UBAC2: variants seen among roughly 807,000 people sequenced by gnomAD.
UBAC2 encodes ubiquitin-associated domain-containing protein 2.
A neutral mutation model predicts 44.0 loss-of-function variants in UBAC2; 26 were observed. The observed-to-expected ratio is 0.59, with a 90% CI of 0.43 to 0.82. The LOEUF is 0.82. Among genes scored for constraint, UBAC2 ranks in the 40% least tolerant of loss-of-function variants. The probability of loss-of-function intolerance (pLI) is 0.00; values close to 1 mark genes in which losing one functional copy is unlikely to be tolerated. For synonymous variants in UBAC2, 155 were observed against 154.3 expected (o/e 1.00, Z -0.04); for missense variants, 329 against 419.4 (o/e 0.78, Z 1.88).
chr13:99,218,843 C>T (rs1041942676), intron 1 of UBAC2, among the ~76,000 whole-genome samples: 1 of 152,170 alleles, frequency 6.6e-6, no homozygotes, highest in Non-Finnish European at 1.5e-5. Context: ...TCCTCCTTAA[C>T]GTGGTCACCG....
intron 7 of UBAC2, among the ~76,000 whole-genome samples, chr13:99,349,662 G>A (rs974868033): frequency 1.3e-5 from 2 of 152,212 alleles, no homozygotes; most frequent in Non-Finnish European, 2.9e-5. Context: ...ATACGTCAGC[G>A]TTTTCTTCTA....
At chr13:99,321,698 T>C (rs948622373) in intron 6 of UBAC2, among the ~76,000 whole-genome samples, 1 of 152,250 alleles carries the variant, frequency 6.6e-6, no homozygotes. Context: ...CTGATTAAAA[T>C]AGAAGGTTGA....
At chr13:99,244,039 G>A (rs892128736) in intron 3 of UBAC2, 88 bp downstream of exon 3, 4 of 1,062,482 alleles carry the variant, frequency 3.8e-6, no homozygotes, top group Non-Finnish European at 5.2e-6. Context: ...ACTTGGTGTT[G>A]TTATTTACAG....
intron 7 of UBAC2, among the ~76,000 whole-genome samples, chr13:99,364,976 A>C (rs1196617747): frequency 6.6e-6 from 1 of 152,184 alleles, no homozygotes; most frequent in Non-Finnish European, 1.5e-5. Flanking sequence ...GGAATTGCTG[A>C]GTCTCACATA....
intron 4 of UBAC2, chr13:99,258,344 G>A (rs993264083): frequency 2.6e-5 from 4 of 152,330 alleles, no homozygotes; most frequent in African/African-American, 9.6e-5. Context: ...GCTTGGCGTC[G>A]GAGTTGGTGC....
chr13:99,215,761 C>G, intron 1 of UBAC2: 1 of 1,225,728 alleles, frequency 8.2e-7, no homozygotes, highest in Non-Finnish European at 1.1e-6. Flanking sequence ...TCAGCCATTT[C>G]GAGTTCTGCT....
chr13:99,374,039 C>G (rs2045446050), intron 8 of UBAC2, among the ~76,000 whole-genome samples: 1 of 152,196 alleles, frequency 6.6e-6, no homozygotes, highest in South Asian at 2.1e-4. Flanking sequence ...GACAGAATTA[C>G]AGCAAATTTA....
At chr13:99,364,777 T>A (rs2045309673) in intron 7 of UBAC2, among the ~76,000 whole-genome samples, 1 of 152,232 alleles carries the variant, frequency 6.6e-6, no homozygotes, top group Non-Finnish European at 1.5e-5. Context: ...TTGTTGCATG[T>A]CATTCTGGTT....
rs1490535711 is a variant in UBAC2, at chr13:99,338,039, CTTTTTTTCTTTTTTTTTTTTTTTT to C, written c.562-2273_562-2250del. ...GCAAAAAAATCTCCTAACTTTTTTT[CTTTTTTTCTTTTTTTTTTTTTTTT>C]TTTTTTTTTTTTGAGACAGAGTCTC... On this transcript the variant is annotated intron_variant, in intron 6 of 8. Coordinates refer to ENST00000403766, the MANE Select transcript of UBAC2 (RefSeq NM_001144072.2). Among the ~76,000 whole-genome samples the C allele has an allele frequency of 3.4e-3, 308 of 91,570 alleles. 3 individuals are homozygous for C. The highest frequency in any genetic ancestry group is 0.019 in the Middle Eastern group (2 of 108). 60.1% of individuals were successfully genotyped at this position (91,570 alleles called of 152,430 possible).
At chr13:99,378,260 C>T (rs2045507384) in intron 8 of UBAC2, among the ~76,000 whole-genome samples, 2 of 152,234 alleles carry the variant, frequency 1.3e-5, no homozygotes. Context: ...GGCTCAGTGG[C>T]TCATGCCTGT....
At chr13:99,227,260 A>G (rs1157512607) in intron 1 of UBAC2, among the ~76,000 whole-genome samples, 2 of 151,962 alleles carry the variant, frequency 1.3e-5, no homozygotes, top group African/African-American at 4.8e-5. Context: ...CTGCAGTAGC[A>G]AACAACTCTG....
intron 4 of UBAC2, among the ~76,000 whole-genome samples, chr13:99,252,127 G>A (rs1451552076): frequency 6.6e-6 from 1 of 152,206 alleles, no homozygotes; most frequent in Non-Finnish European, 1.5e-5. Context: ...CTTCCCAACT[G>A]GTCATCCAGC....
chr13:99,263,538 C>T (rs1401915726), intron 4 of UBAC2, among the ~76,000 whole-genome samples: 1 of 152,102 alleles, frequency 6.6e-6, no homozygotes, highest in African/African-American at 2.4e-5. Flanking sequence ...ATGAGGGTAT[C>T]GAGTAACAAG....
chr13:99,208,657 G>A (rs1417898822), intron 1 of UBAC2, among the ~76,000 whole-genome samples: 3 of 152,198 alleles, frequency 2.0e-5, no homozygotes, highest in Non-Finnish European at 4.4e-5. Context: ...GGTGTGACAG[G>A]CTTCTGGTGC....
Position 99,329,308 on chromosome 13 carries a change from C to G in UBAC2, c.562-11012C>G, listed in dbSNP as rs570716999. Among the ~76,000 whole-genome samples, 5 of 152,222 alleles carry G rather than the reference C, an allele frequency of 3.3e-5. No individual in the cohort carries two copies. In the East Asian group the frequency reaches 9.6e-4, roughly 29 times the overall value. ...CTTTTAATATACACTCTACAATCAG[C>G]CTGTAATTTCTTCAAAAAAAGGGGA... is the stretch of plus-strand genomic sequence containing the variant. On this transcript the variant is annotated intron_variant, in intron 6 of 8. Coordinates refer to ENST00000403766, the MANE Select transcript of UBAC2 (RefSeq NM_001144072.2).
intron 6 of UBAC2, among the ~76,000 whole-genome samples, chr13:99,338,000 G>C (rs1198672746): frequency 7.0e-6 from 1 of 142,860 alleles, no homozygotes; most frequent in African/African-American, 2.6e-5. Flanking sequence ...TAGCTGATGA[G>C]CTTTAAAAAA....
At chr13:99,273,655 A>G (rs755952549) in intron 4 of UBAC2, among the ~76,000 whole-genome samples, 2 of 152,052 alleles carry the variant, frequency 1.3e-5, no homozygotes, top group African/African-American at 2.4e-5. Flanking sequence ...GACAGTTTTG[A>G]TGAGGTGCTT....
chr13:99,241,149 A>G (rs1335054839), intron 2 of UBAC2, among the ~76,000 whole-genome samples: 1 of 151,786 alleles, frequency 6.6e-6, no homozygotes, highest in African/African-American at 2.4e-5. Flanking sequence ...CTGTAGTCCC[A>G]GCTACTCAGG....
At chr13:99,239,934 G>A (rs2043281420) in intron 2 of UBAC2, among the ~76,000 whole-genome samples, 1 of 152,164 alleles carries the variant, frequency 6.6e-6, no homozygotes, top group Admixed American at 6.5e-5. Context: ...AGTCTTAGGG[G>A]TGTGAGCCTT....
Sources: gnomAD v4.1 joint callset for allele counts (sites outside exome capture counted in the v4.1 genomes callset) on GRCh38, gnomAD v4.1.1 for gene constraint, MANE v1.5 for transcripts, NCBI Gene and HGNC (gene_info 2026-07-23, HGNC 2026-07-21) for gene names.